DISC1: variants seen among roughly 807,000 people sequenced by gnomAD.
DISC1 encodes disrupted in schizophrenia 1 protein.
A neutral mutation model predicts 84.5 loss-of-function variants in DISC1; 57 were observed. That is an observed-to-expected ratio of 0.67 (90% confidence interval 0.55 to 0.84). The LOEUF (loss-of-function observed/expected upper bound fraction) is 0.84, where lower values mean the gene tolerates loss of function less well. Ranked by LOEUF, DISC1 falls within the 40% of genes least tolerant of loss-of-function variation. DISC1 has a pLI of 0.00. For synonymous variants in DISC1, 411 were observed against 415.2 expected (o/e 0.99, Z 0.12); for missense variants, 1,000 against 1,057.8 (o/e 0.95, Z 0.76).
At chr1:231,874,437 G>C (rs558697117) in intron 9 of DISC1, among the ~76,000 whole-genome samples, 1 of 151,764 alleles carries the variant, frequency 6.6e-6, no homozygotes, top group South Asian at 2.1e-4. Context: ...GAGATTATAG[G>C]TGTGAGCCAC....
chr1:232,012,711 G>A (rs775089820), intron 11 of DISC1, among the ~76,000 whole-genome samples: 3 of 152,162 alleles, frequency 2.0e-5, no homozygotes, highest in Non-Finnish European at 1.5e-5. Flanking sequence ...TGGCCAACGT[G>A]GTGATGTGCA....
intron 3 of DISC1, among the ~76,000 whole-genome samples, chr1:231,746,427 C>T (rs1300817362): frequency 1.3e-5 from 2 of 149,530 alleles, no homozygotes. Context: ...GTAGATGTCT[C>T]TTTGAGATGC....
At chr1:231,936,836 T>C (rs1009020529) in intron 9 of DISC1, among the ~76,000 whole-genome samples, 1 of 152,204 alleles carries the variant, frequency 6.6e-6, no homozygotes, top group Non-Finnish European at 1.5e-5. Flanking sequence ...TTTGAAACTC[T>C]CTTCCTTCTT....
intron 1 of DISC1, among the ~76,000 whole-genome samples, chr1:231,647,781 T>G (rs1435205180): frequency 1.1e-4 from 17 of 152,252 alleles, no homozygotes; most frequent in Admixed American, 7.9e-4. Flanking sequence ...TTACATCCCT[T>G]GTAAGTTGGA....
At position 231,742,343 on chromosome 1, in the gene DISC1, A is replaced by C. The variant is rs529609405; in HGVS notation, c.1118-7583A>C. ...TATGCTAACCAGAGGTGGTGCTGGC[A>C]GGGCAAGTGGAAGCTCCCAGTAGCT... On this transcript the variant is annotated intron_variant, in intron 3 of 12. Transcript: ENST00000439617. Among the ~76,000 whole-genome samples the C allele has an allele frequency of 5.3e-5, 8 of 152,332 alleles. No individual in the cohort carries two copies. In the South Asian group the frequency reaches 1.7e-3, roughly 32 times the overall value.
chr1:232,032,637 G>T (rs1373311946), intron 12 of DISC1, among the ~76,000 whole-genome samples: 1 of 152,126 alleles, frequency 6.6e-6, no homozygotes, highest in African/African-American at 2.4e-5. Flanking sequence ...TATCTGTTAT[G>T]GGGGGCAGAT....
intron 9 of DISC1, among the ~76,000 whole-genome samples, chr1:231,890,817 C>T (rs1335228048): frequency 6.6e-6 from 1 of 152,216 alleles, no homozygotes; most frequent in Non-Finnish European, 1.5e-5. Flanking sequence ...ACTTACTGAT[C>T]ATTCCTCCTG....
intron 6 of DISC1, among the ~76,000 whole-genome samples, chr1:231,793,411 G>A (rs199692992): frequency 1.3e-5 from 2 of 152,180 alleles, no homozygotes; most frequent in African/African-American, 2.4e-5. Context: ...CTAGCTTGCT[G>A]GGTGCCCAGT....
chr1:231,880,704 C>A (rs983688211), intron 9 of DISC1, among the ~76,000 whole-genome samples: 1 of 151,798 alleles, frequency 6.6e-6, no homozygotes, highest in African/African-American at 2.4e-5. Flanking sequence ...TCCATCTTCC[C>A]AAGTTGTTCT....
chr1:231,947,115 C>CA (rs1301545024), intron 9 of DISC1, among the ~76,000 whole-genome samples: 3 of 151,852 alleles, frequency 2.0e-5, no homozygotes, highest in African/African-American at 7.2e-5. Flanking sequence ...TTTTAAAGTT[C>CA]ATACAGAACC....
intron 9 of DISC1, among the ~76,000 whole-genome samples, chr1:231,916,654 C>CAAA (rs3083755): frequency 2.9e-5 from 3 of 102,058 alleles, no homozygotes; most frequent in South Asian, 6.3e-4. Context: ...GACTCCGTCT[C>CAAA]AAAAAAAAAA....
intron 1 of DISC1, among the ~76,000 whole-genome samples, chr1:231,636,394 C>T (rs1441268537): frequency 6.6e-6 from 1 of 152,208 alleles, no homozygotes; most frequent in African/African-American, 2.4e-5. Context: ...ATCTCTCACC[C>T]AGCTGGCTAA....
At chr1:231,874,808 G>A (rs1361050640) in intron 9 of DISC1, among the ~76,000 whole-genome samples, 1 of 151,720 alleles carries the variant, frequency 6.6e-6, no homozygotes, top group Non-Finnish European at 1.5e-5. Context: ...CTACTCGGGA[G>A]GCTGAGGCAG....
At chr1:231,900,164 A>T (rs2088035878) in intron 9 of DISC1, among the ~76,000 whole-genome samples, 2 of 152,176 alleles carry the variant, frequency 1.3e-5, no homozygotes, top group South Asian at 4.1e-4. Flanking sequence ...CTATAGTTTA[A>T]TCTTTTTCTT....
At chr1:231,857,481 G>T (rs1479213126) in intron 9 of DISC1, among the ~76,000 whole-genome samples, 2 of 152,120 alleles carry the variant, frequency 1.3e-5, no homozygotes, top group Non-Finnish European at 2.9e-5. Flanking sequence ...TGTGGGGTTT[G>T]TCCCAGATCC....
rs546686946 is a variant in DISC1, at chr1:231,789,155, A to G, written c.1635-6087A>G. On this transcript the variant is annotated intron_variant, in intron 6 of 12. Coordinates refer to ENST00000439617, the MANE Select transcript of DISC1 (RefSeq NM_018662.3). The stretch of plus-strand genomic sequence containing the variant: ...AGTGGATGTGAAATTTACAGCTGTC[A>G]ATGGAGTAGTCAGGCCAGCCTCACT... Among the ~76,000 whole-genome samples the G allele has an allele frequency of 1.9e-3, 288 of 152,326 alleles. 1 individual carries two copies. Among genetic ancestry groups the G allele is most frequent in the Non-Finnish European group, 3.4e-3 (232 of 68,030 alleles).
chr1:231,792,540 G>A (rs2078427342), intron 6 of DISC1, among the ~76,000 whole-genome samples: 1 of 152,202 alleles, frequency 6.6e-6, no homozygotes, highest in Non-Finnish European at 1.5e-5. Flanking sequence ...TCAATGATGT[G>A]TTGAACCATT....
intron 5 of DISC1, among the ~76,000 whole-genome samples, chr1:231,769,335 C>T (rs1229129880): frequency 1.3e-5 from 2 of 152,142 alleles, no homozygotes; most frequent in Non-Finnish European, 2.9e-5. Context: ...TTCATAGCAG[C>T]GTTATACACA....
chr1:231,709,083 T>G (rs759105553), intron 3 of DISC1, among the ~76,000 whole-genome samples: 24 of 152,150 alleles, frequency 1.6e-4, no homozygotes, highest in Non-Finnish European at 2.8e-4. Flanking sequence ...CAAAATGTCA[T>G]TTATTTAGTT....
Sources: gnomAD v4.1 joint callset for allele counts (sites outside exome capture counted in the v4.1 genomes callset) on GRCh38, gnomAD v4.1.1 for gene constraint, MANE v1.5 for transcripts, NCBI Gene and HGNC (gene_info 2026-07-23, HGNC 2026-07-21) for gene names.